Variants in USP10 observed in about 807,000 individuals in gnomAD.
USP10 encodes the protein ubiquitin specific peptidase 10, also known as ubiquitin carboxyl-terminal hydrolase 10.
USP10 carries 22 observed loss-of-function variants against 84.5 expected under a neutral mutation model. That is an observed-to-expected ratio of 0.26 (90% confidence interval 0.19 to 0.37). The LOEUF (loss-of-function observed/expected upper bound fraction) is 0.37, where lower values mean the gene tolerates loss of function less well. Ranked by LOEUF, USP10 falls within the 10% of genes least tolerant of loss-of-function variation. The pLI is 1.00. For missense variants in USP10, 1,019 were observed against 998.9 expected, an observed-to-expected ratio of 1.02 and a Z score of -0.27; for synonymous variants, 454 against 387.6, an observed-to-expected ratio of 1.17 and a Z score of -2.01.
intron 8 of USP10, among the ~76,000 whole-genome samples, chr16:84,761,655 G>T (rs538969959): frequency 3.0e-4 from 45 of 152,380 alleles, no homozygotes; most frequent in Admixed American, 5.2e-4. Flanking sequence ...TGGTCCCATA[G>T]GTACCATCTG....
chr16:84,750,778 G>C (rs1289783473), intron 4 of USP10, among the ~76,000 whole-genome samples: 2 of 152,178 alleles, frequency 1.3e-5, no homozygotes, highest in Admixed American at 1.3e-4. Flanking sequence ...GTGGCCAACT[G>C]CCCGATAAGT....
At chr16:84,759,547 T>G (rs552206609) in intron 6 of USP10, 75 bp downstream of exon 6, 10 of 1,362,730 alleles carry the variant, frequency 7.3e-6, no homozygotes, top group Middle Eastern at 1.8e-4. Context: ...AATAGTTTAG[T>G]AAAGCTCTTG....
At chr16:84,736,060 C>T (rs1442836959) in intron 2 of USP10, among the ~76,000 whole-genome samples, 4 of 150,334 alleles carry the variant, frequency 2.7e-5, no homozygotes, top group Non-Finnish European at 4.4e-5. Flanking sequence ...GTGTGAGTGG[C>T]GAGGGCGTGT....
intron 10 of USP10, among the ~76,000 whole-genome samples, chr16:84,764,946 A>ATG (rs71642391): frequency 2.0e-4 from 30 of 148,006 alleles, no homozygotes; most frequent in African/African-American, 7.2e-4. Flanking sequence ...AAAAATATAT[A>ATG]TATATATATT....
chr16:84,700,845 C>G (rs904799233), intron 1 of USP10, among the ~76,000 whole-genome samples: 4 of 152,244 alleles, frequency 2.6e-5, no homozygotes, highest in Admixed American at 2.0e-4. Context: ...AAAGAAAGAG[C>G]TCTTTTTGGG....
rs1265061293 is a variant in USP10, at chr16:84,700,008, A to T, written c.-83A>T. On this transcript the variant is annotated 5_prime_UTR_variant, in exon 1 of 14. An upstream start codon of the reference 5' UTR is lost. Transcript: ENST00000219473. Reference sequence around the variant, plus strand: ...GGCGCGGCGGCCGATGCGAGTGTGTATGTGCGGGCGAGAAGATGGCGGCGG... The same window carrying T: ...GGCGCGGCGGCCGATGCGAGTGTGTTTGTGCGGGCGAGAAGATGGCGGCGG... 13 of 1,262,974 alleles carry T rather than the reference A, an allele frequency of 1.0e-5. No individual in the cohort carries two copies. Among genetic ancestry groups the T allele is most frequent in the Non-Finnish European group, 1.0e-5 (10 of 966,806 alleles). The allele number at this position is 1,262,974 out of a possible 1,614,324, so 78.2% of individuals were successfully genotyped here.
rs910818568 is a variant in USP10, at chr16:84,730,552, C to T, written c.22-2883C>T. Among the ~76,000 whole-genome samples, 7 of 152,290 alleles carry T rather than the reference C, an allele frequency of 4.6e-5. No homozygotes were observed. The East Asian group carries it at 5.8e-4, about 13-fold the overall frequency. On this transcript the variant is annotated intron_variant, in intron 1 of 13. Coordinates refer to ENST00000219473, the MANE Select transcript of USP10 (RefSeq NM_005153.3). ...AAAAACTCAGTGAACCGTTTCTGAG[C>T]GTTCCAGCTCATGACTTGAGGGTGT...
chr16:84,741,393 C>G (rs547571100), intron 3 of USP10, among the ~76,000 whole-genome samples: 37 of 152,364 alleles, frequency 2.4e-4, no homozygotes, highest in African/African-American at 8.4e-4. Flanking sequence ...ATGTCAACCT[C>G]TCAGACATCT....
chr16:84,705,451 T>C (rs1905356545), intron 1 of USP10, among the ~76,000 whole-genome samples: 1 of 152,038 alleles, frequency 6.6e-6, no homozygotes, highest in Admixed American at 6.5e-5. Flanking sequence ...CAGGATGGTC[T>C]CCATCTCCTG....
chr16:84,702,647 T>TA (rs931905589), intron 1 of USP10, among the ~76,000 whole-genome samples: 3 of 152,172 alleles, frequency 2.0e-5, no homozygotes, highest in Admixed American at 6.5e-5. Context: ...ATTGACTTGT[T>TA]AAAGTTAAAT....
intron 1 of USP10, among the ~76,000 whole-genome samples, chr16:84,717,110 C>T (rs1408888072): frequency 6.6e-6 from 1 of 152,200 alleles, no homozygotes; most frequent in African/African-American, 2.4e-5. Flanking sequence ...GCCCTGTGCG[C>T]TGTCTGAGCT....
intron 13 of USP10, 122 bp downstream of exon 13, chr16:84,775,347 C>T (rs1424281092): frequency 2.1e-6 from 2 of 948,104 alleles, no homozygotes; most frequent in African/African-American, 1.6e-5. Context: ...ATCCCTGTGG[C>T]CTTGTGAGTC....
At chr16:84,704,302 A>G (rs1453901197) in intron 1 of USP10, among the ~76,000 whole-genome samples, 2 of 152,242 alleles carry the variant, frequency 1.3e-5, no homozygotes, top group Non-Finnish European at 2.9e-5. Context: ...TATGAAACGT[A>G]GTGGGAAGAG....
chr16:84,738,479 C>T (rs1910213507), intron 2 of USP10, among the ~76,000 whole-genome samples: 1 of 152,186 alleles, frequency 6.6e-6, no homozygotes, highest in South Asian at 2.1e-4. Context: ...CTTCCTGAGA[C>T]ACACATGGCC....
At chr16:84,735,356 C>G (rs1319292008) in intron 2 of USP10, among the ~76,000 whole-genome samples, 1 of 151,988 alleles carries the variant, frequency 6.6e-6, no homozygotes, top group Admixed American at 6.5e-5. Flanking sequence ...GGGTGGGTAC[C>G]TGTTTGCAAG....
intron 10 of USP10, among the ~76,000 whole-genome samples, chr16:84,765,648 CCA>C (rs1156663397): frequency 6.6e-6 from 1 of 152,266 alleles, no homozygotes; most frequent in Middle Eastern, 3.4e-3. Flanking sequence ...TATATACACA[CCA>C]CAGTTTCTTT....
intron 8 of USP10, among the ~76,000 whole-genome samples, chr16:84,761,134 A>C (rs1299102529): frequency 1.3e-5 from 2 of 152,156 alleles, no homozygotes; most frequent in Non-Finnish European, 2.9e-5. Flanking sequence ...GGATGCAGAA[A>C]TGGAATGAAG....
At chr16:84,710,847 C>G (rs1906190553) in intron 1 of USP10, among the ~76,000 whole-genome samples, 1 of 152,142 alleles carries the variant, frequency 6.6e-6, no homozygotes, top group Non-Finnish European at 1.5e-5. Context: ...GAGCCAGGCT[C>G]AGGTTGCAGG....
chr16:84,770,800 G>C (rs1283157560), intron 11 of USP10, among the ~76,000 whole-genome samples: 1 of 150,542 alleles, frequency 6.6e-6, no homozygotes, highest in African/African-American at 2.4e-5. Flanking sequence ...ATCTCCAGTG[G>C]CTGATGCCTG....
Sources: allele counts gnomAD v4.1 joint callset (sites outside exome capture counted in the v4.1 genomes callset), GRCh38; gene constraint gnomAD v4.1.1; transcripts MANE v1.5; gene names NCBI Gene and HGNC (gene_info 2026-07-23, HGNC 2026-07-21).